TSEN2: variants seen among roughly 807,000 people sequenced by gnomAD.
TSEN2 encodes tRNA splicing endonuclease subunit 2, also known as tRNA-splicing endonuclease subunit Sen2.
Under a neutral mutation model 59.2 loss-of-function variants are expected in TSEN2, and 54 were observed. That is an observed-to-expected ratio of 0.91 (90% confidence interval 0.73 to 1.14). TSEN2 has a LOEUF of 1.14. Ranked by LOEUF, TSEN2 falls within the 50% of genes most tolerant of loss-of-function variation. TSEN2 has a pLI of 0.00. For missense variants in TSEN2, 636 were observed against 576.2 expected (o/e 1.10, Z -1.06); for synonymous variants, 195 against 198.2 (o/e 0.98, Z 0.14).
chr3:12,517,302 G>A (rs971132686), intron 7 of TSEN2, among the ~76,000 whole-genome samples: 1 of 144,126 alleles, frequency 6.9e-6, no homozygotes, highest in Non-Finnish European at 1.5e-5. Context: ...AGGTTGCAAT[G>A]AGCCGAGATA....
At chr3:12,513,702 T>C (rs1055960787) in intron 6 of TSEN2, among the ~76,000 whole-genome samples, 2 of 152,184 alleles carry the variant, frequency 1.3e-5, no homozygotes, top group Admixed American at 6.5e-5. Context: ...CTCAGCCATT[T>C]AAGGAAACAA....
chr3:12,514,963 A>G (rs2055903061), intron 6 of TSEN2: 1 of 152,218 alleles, frequency 6.6e-6, no homozygotes, highest in South Asian at 2.1e-4. Flanking sequence ...AGTCAGCTAG[A>G]TTCTTGCATC....
intron 6 of TSEN2, among the ~76,000 whole-genome samples, chr3:12,511,477 T>C (rs2055448815): frequency 6.6e-6 from 1 of 151,630 alleles, no homozygotes; most frequent in Non-Finnish European, 1.5e-5. Context: ...AAGACAAAGC[T>C]AAAATCCCAT....
chr3:12,481,646 T>C (rs555303328), upstream of TSEN2, among the ~76,000 whole-genome samples: 27 of 152,286 alleles, frequency 1.8e-4, no homozygotes, highest in Non-Finnish European at 3.2e-4. Context: ...GCAGGAGTTA[T>C]AGTGCTGTTG....
chr3:12,502,677 G>GT (rs773322162), intron 4 of TSEN2, among the ~76,000 whole-genome samples: 4,639 of 104,906 alleles, frequency 0.044, 62 homozygotes, highest in Non-Finnish European at 0.055. Flanking sequence ...AGTTTTTTTT[G>GT]TTTTTTTTTT....
chr3:12,489,458 G>T (rs568995957), intron 1 of TSEN2, among the ~76,000 whole-genome samples: 27 of 152,284 alleles, frequency 1.8e-4, no homozygotes, highest in Middle Eastern at 3.4e-3. Context: ...CTGGTAGACA[G>T]AAATCCTGTT....
Position 12,519,109 on chromosome 3 carries a change from C to G in TSEN2, c.1011C>G (p.Pro337=). The change falls in exon 8 of 12, where the codon CCC becomes CCG. Residue 337 remains proline, a synonymous_variant. Transcript: ENST00000284995. ...GGAAAGCTTTCACTGTAGTTCAGCC[C>G]ACGTTCAGAACCACCTACATGGCCT... ...KLWKAFTVVQ[P]TFRTTYMAYH... is the part of the protein sequence containing the mutation. 1 of 1,614,176 alleles carries G rather than the reference C, an allele frequency of 6.2e-7. No individual in the cohort carries two copies. Among genetic ancestry groups the G allele is most frequent in the Middle Eastern group, 1.6e-4 (1 of 6,062 alleles).
intron 11 of TSEN2, 122 bp from the exon 12 acceptor site, chr3:12,532,540 G>A (rs2057529266): frequency 2.3e-6 from 2 of 861,152 alleles, no homozygotes; most frequent in African/African-American, 3.4e-5. Context: ...TTCTAAAGGT[G>A]GGAACAGTAT....
chr3:12,489,950 T>A lies in TSEN2; in HGVS notation c.150T>A (p.Ile50=). The A allele has an allele frequency of 1.2e-6, 2 of 1,614,194 alleles. No homozygotes were observed. The highest frequency in any genetic ancestry group is 1.7e-6 in the Non-Finnish European group (2 of 1,180,048). ...FRAEMINNNV[I]VRNAEDIEQL... is the part of the protein sequence containing the mutation. ...CTGAAATGATTAACAACAATGTGAT[T>A]GTGAGGAATGCGGAGGACATTGAGC... Residue 50 remains isoleucine, a synonymous_variant, in exon 2 of 12, where the codon ATT becomes ATA. Coordinates refer to ENST00000284995, the MANE Select transcript of TSEN2 (RefSeq NM_025265.4).
chr3:12,519,160 G>C lies in TSEN2; in HGVS notation c.1062G>C (p.Trp354Cys). ...ACCATTACTTTCGAAGCAAGGGCTG[G>C]GTGCCCAAAGTGGGACTCAAGTACG... Reference protein sequence around the residue: ...MAYHYFRSKGWVPKVGLKYGT... With the variant: ...MAYHYFRSKGCVPKVGLKYGT... The change falls in exon 8 of 12, where the codon TGG becomes TGC. Residue 354 changes from tryptophan to cysteine, a missense_variant. Physicochemically the swap from Trp to Cys is radical, Grantham distance 215. Transcript: ENST00000284995. The C allele has an allele frequency of 1.2e-6, 2 of 1,614,184 alleles. No individual in the cohort carries two copies. Among genetic ancestry groups the C allele is most frequent in the South Asian group, 1.1e-5 (1 of 91,082 alleles).
chr3:12,528,949 T>C, intron 9 of TSEN2, 25 bp downstream of exon 9: 1 of 1,613,586 alleles, frequency 6.2e-7, no homozygotes, highest in Non-Finnish European at 8.5e-7. Flanking sequence ...TTAAATAAAC[T>C]AATGGGTTAA....
At chr3:12,482,696 G>A (rs377684213), upstream of TSEN2, among the ~76,000 whole-genome samples, 2 of 151,968 alleles carry the variant, frequency 1.3e-5, no homozygotes, top group African/African-American at 4.8e-5. Context: ...AGACCTGCTC[G>A]GTTATCTCTG....
intron 1 of TSEN2, among the ~76,000 whole-genome samples, chr3:12,488,181 CCTT>C (rs1182284890): frequency 2.0e-5 from 3 of 152,180 alleles, no homozygotes; most frequent in Non-Finnish European, 4.4e-5. Flanking sequence ...GTTTTGGCCA[CCTT>C]CTTGACTGTT....
intron 8 of TSEN2, among the ~76,000 whole-genome samples, chr3:12,527,151 T>C (rs1381598052): frequency 6.6e-6 from 1 of 152,252 alleles, no homozygotes; most frequent in Non-Finnish European, 1.5e-5. Context: ...GGATATTTAC[T>C]TACATTTGTG....
intron 1 of TSEN2, among the ~76,000 whole-genome samples, chr3:12,485,486 A>G (rs1295588838): frequency 2.0e-5 from 3 of 152,200 alleles, no homozygotes; most frequent in Admixed American, 1.3e-4. Context: ...ACATCTGTAC[A>G]ATGGAAATAA....
intron 9 of TSEN2, among the ~76,000 whole-genome samples, chr3:12,529,387 A>G (rs2125243456): frequency 6.8e-6 from 1 of 147,506 alleles, no homozygotes; most frequent in South Asian, 2.1e-4. Flanking sequence ...AATTGCTTGA[A>G]CCCAGGAGGC....
chr3:12,538,121 A>C (rs545999220), downstream of TSEN2, among the ~76,000 whole-genome samples: 37 of 152,376 alleles, frequency 2.4e-4, no homozygotes, highest in African/African-American at 7.0e-4. Flanking sequence ...TATGCCATGC[A>C]TTCTTTCCCA....
Position 12,523,274 on chromosome 3 carries a change from G to C in TSEN2, c.1099+4077G>C, listed in dbSNP as rs569115472. On this transcript the variant is annotated intron_variant, in intron 8 of 11. Transcript: ENST00000284995. ...CTCCTTCCCAGCCAACCCTAGTTAG[G>C]GATTTGCATTGACTGATAAGTATGA... Among the ~76,000 whole-genome samples, 70 of 152,204 alleles carry C rather than the reference G, an allele frequency of 4.6e-4. 1 individual carries two copies. Among genetic ancestry groups the C allele is most frequent in the African/African-American group, 1.6e-3 (66 of 41,528 alleles).
intron 8 of TSEN2, among the ~76,000 whole-genome samples, chr3:12,527,054 G>A (rs148094883): frequency 6.6e-6 from 1 of 152,158 alleles, no homozygotes; most frequent in Non-Finnish European, 1.5e-5. Flanking sequence ...GATTGGGCAG[G>A]GAACAAAACT....
Sources: allele counts gnomAD v4.1 joint callset (sites outside exome capture counted in the v4.1 genomes callset), GRCh38; gene constraint gnomAD v4.1.1; transcripts MANE v1.5; gene names NCBI Gene and HGNC (gene_info 2026-07-23, HGNC 2026-07-21).